Variants in TBCD observed in about 807,000 individuals in gnomAD.
TBCD encodes tubulin folding cofactor D.
TBCD carries 105 observed loss-of-function variants against 169.3 expected under a neutral mutation model. That is an observed-to-expected ratio of 0.62 (90% CI 0.53 to 0.73). TBCD has a LOEUF of 0.73. Ranked by LOEUF, TBCD falls within the 30% of genes least tolerant of loss-of-function variation. The pLI, the probability that TBCD is intolerant of heterozygous loss-of-function variation, is 0.00. For missense variants in TBCD, 1,444 were observed against 1,600.1 expected (o/e 0.90, Z 1.66); for synonymous variants, 700 against 643.9 (o/e 1.09, Z -1.32).
At position 82,846,314 on chromosome 17, in the gene TBCD, T is replaced by C. The variant is rs2055088357; in HGVS notation, c.1319-23910T>C. 2.7e-5 allele frequency among the ~76,000 whole-genome samples: 4 copies of C among 147,504 alleles called. 1 individual carries two copies. Among genetic ancestry groups the C allele is most frequent in the Admixed American group, 2.7e-4 (4 of 14,948 alleles). On this transcript the variant is annotated intron_variant, in intron 13 of 38. Transcript: ENST00000355528. ...TCTGCTGCCCCCTCCACGTGCTGCG[T>C]CCAGCGTGCCGTGTCCTCTCGTCCA...
chr17:82,818,935 G>GT (rs2052167473), intron 13 of TBCD, among the ~76,000 whole-genome samples: 1 of 152,156 alleles, frequency 6.6e-6, no homozygotes, highest in African/African-American at 2.4e-5. Context: ...GTGCATGTCT[G>GT]TAATCCCAGC....
intron 13 of TBCD, among the ~76,000 whole-genome samples, chr17:82,850,043 CTGTGCTGTTGTTGG>C (rs2055567379): frequency 5.6e-5 from 5 of 89,310 alleles, no homozygotes; most frequent in East Asian, 3.5e-4. Context: ...CTGTTGTTGG[CTGTGCTGTTGTTGG>C]CTGTGCTGCT....
chr17:82,842,773 T>C (rs1170786267), intron 13 of TBCD, among the ~76,000 whole-genome samples: 1 of 149,270 alleles, frequency 6.7e-6, no homozygotes, highest in Non-Finnish European at 1.5e-5. Context: ...CTTCATTTTC[T>C]TTCTTTCTTT....
intron 33 of TBCD, among the ~76,000 whole-genome samples, chr17:82,931,609 C>T (rs142588330): frequency 2.6e-5 from 4 of 152,334 alleles, no homozygotes; most frequent in South Asian, 4.1e-4. Context: ...TGGTTGTTGC[C>T]GCATCGGGGC....
At chr17:82,776,785 C>G (rs1446693960) in intron 6 of TBCD, among the ~76,000 whole-genome samples, 1 of 152,148 alleles carries the variant, frequency 6.6e-6, no homozygotes, top group African/African-American at 2.4e-5. Flanking sequence ...GGTCTGCACA[C>G]CTGGTGGCTC....
chr17:82,762,257 A>G (rs1039839112), intron 2 of TBCD, among the ~76,000 whole-genome samples: 1 of 144,318 alleles, frequency 6.9e-6, no homozygotes, highest in Non-Finnish European at 1.5e-5. Context: ...TGGAGGTTGC[A>G]GTGAGCCGAG....
At chr17:82,909,169 G>T in intron 21 of TBCD, 116 bp from the exon 22 acceptor site, 1 of 861,586 alleles carries the variant, frequency 1.2e-6, no homozygotes, top group Non-Finnish European at 1.8e-6. Context: ...CGGCTCTCCT[G>T]GCTGGCATGG....
intron 6 of TBCD, among the ~76,000 whole-genome samples, chr17:82,779,724 GC>G (rs1942840458): frequency 6.6e-6 from 1 of 152,248 alleles, no homozygotes; most frequent in South Asian, 2.1e-4. Context: ...TGGAACAAGG[GC>G]CGGGAAGGTG....
At chr17:82,860,102 G>C (rs891618158) in intron 13 of TBCD, among the ~76,000 whole-genome samples, 1 of 152,262 alleles carries the variant, frequency 6.6e-6, no homozygotes, top group Non-Finnish European at 1.5e-5. Flanking sequence ...GTCCTAGGCA[G>C]TGAGTCATGG....
At chr17:82,756,408 G>C (rs1338640646) in intron 2 of TBCD, among the ~76,000 whole-genome samples, 193 bp downstream of exon 2, 1 of 152,212 alleles carries the variant, frequency 6.6e-6, no homozygotes, top group Non-Finnish European at 1.5e-5. Flanking sequence ...TCTAGGCTGG[G>C]GGGAGATGTG....
In TBCD at chr17:82,889,603, A is replaced by G; in HGVS notation, c.1534-65A>G. 6.2e-7 allele frequency: 1 copy of G among 1,604,154 alleles called. No homozygotes were observed. The highest frequency in any genetic ancestry group is 8.5e-7 in the Non-Finnish European group (1 of 1,171,778). ...ATTCACGTTGTGCTGTTTGTTCTGA[A>G]CTTGCCTCTGGTGTTGGCGGAAGCT... On this transcript the variant is annotated intron_variant, in intron 15 of 38. Coordinates refer to ENST00000355528, the MANE Select transcript of TBCD (RefSeq NM_005993.5). This position sits in a 1 kb window ranked among gnomAD's most constrained non-coding sequence, Gnocchi z 5.3.
intron 20 of TBCD, 32 bp from the exon 21 acceptor site, chr17:82,907,729 G>T (rs377734331): frequency 1.9e-6 from 3 of 1,612,740 alleles, no homozygotes; most frequent in Non-Finnish European, 2.5e-6. Context: ...CTTGGGGAGT[G>T]TGACTTCAGC....
At chr17:82,865,571 C>G in intron 13 of TBCD, 1 of 984,056 alleles carries the variant, frequency 1.0e-6, no homozygotes, top group Non-Finnish European at 1.2e-6. Context: ...ACAGCCCTCA[C>G]CGCCCAGTGC....
chr17:82,904,372 C>T (rs548353574), intron 19 of TBCD, among the ~76,000 whole-genome samples: 63 of 152,142 alleles, frequency 4.1e-4, no homozygotes, highest in African/African-American at 1.3e-3. Context: ...TGCCACACGA[C>T]GCTCCCTGGT....
At position 82,884,290 on chromosome 17, in the gene TBCD, C is replaced by G; in HGVS notation, c.1533+88C>G. 7.9e-7 allele frequency: 1 copy of G among 1,262,422 alleles called. No individual in the cohort carries two copies. Among genetic ancestry groups the G allele is most frequent in the Non-Finnish European group, 1.1e-6 (1 of 887,932 alleles). 78.2% of individuals were successfully genotyped at this position (1,262,422 alleles called of 1,614,324 possible). A position where few individuals can be genotyped will look rare whatever the true frequency, so the allele number is the denominator to read the frequency against. On this transcript the variant is annotated intron_variant, in intron 15 of 38. Transcript: ENST00000355528. This position sits in a 1 kb window ranked among gnomAD's most constrained non-coding sequence, Gnocchi z 4.2. The stretch of plus-strand genomic sequence containing the variant: ...TGCTCCTCTGTGCACTGCTGCCTGG[C>G]CAGCTCACCCATCCACAGCAGGAGC...
chr17:82,813,628 A>C (rs550280473), intron 12 of TBCD, among the ~76,000 whole-genome samples: 1 of 152,224 alleles, frequency 6.6e-6, no homozygotes, highest in African/African-American at 2.4e-5. Context: ...TTTTTAAGTC[A>C]CGGTAACCTT....
intron 27 of TBCD, among the ~76,000 whole-genome samples, chr17:82,925,718 A>C (rs898096): frequency 0.052 from 7,890 of 152,242 alleles, 683 homozygotes; most frequent in African/African-American, 0.18. Flanking sequence ...TAAAACTCGC[A>C]TGTGGGGGTT....
chr17:82,933,760 C>T (rs1049380414), intron 34 of TBCD, among the ~76,000 whole-genome samples: 1 of 152,160 alleles, frequency 6.6e-6, no homozygotes, highest in African/African-American at 2.4e-5. Context: ...TACAGCTGTG[C>T]ACCATCACAC....
chr17:82,897,454 G>T (rs1247247061), intron 17 of TBCD, among the ~76,000 whole-genome samples: 1 of 148,080 alleles, frequency 6.8e-6, no homozygotes, highest in African/African-American at 2.5e-5. Flanking sequence ...GGAGGCGGAG[G>T]TTACAGTGAG....
Sources: gnomAD v4.1 joint callset for allele counts (sites outside exome capture counted in the v4.1 genomes callset) on GRCh38, gnomAD v4.1.1 for gene constraint, Gnocchi (gnomAD v3.1) non-coding constraint, MANE v1.5 for transcripts, NCBI Gene and HGNC (gene_info 2026-07-23, HGNC 2026-07-21) for gene names.